SPAG16: variants seen among roughly 807,000 people sequenced by gnomAD.
SPAG16 encodes the protein sperm associated antigen 16.
Under a neutral mutation model 80.4 loss-of-function variants are expected in SPAG16, and 86 were observed. That is an observed-to-expected ratio of 1.07 (90% CI 0.90 to 1.28). The LOEUF (loss-of-function observed/expected upper bound fraction) is 1.28. Among genes scored for constraint, SPAG16 ranks in the 50% most tolerant of loss-of-function variants. The pLI is 0.00. For synonymous variants in SPAG16, 294 were observed against 265.9 expected (o/e 1.11, Z -1.03); for missense variants, 870 against 765.3 (o/e 1.14, Z -1.61).
At chr2:213,767,904 A>G (rs1392893974) in intron 10 of SPAG16, among the ~76,000 whole-genome samples, 1 of 152,212 alleles carries the variant, frequency 6.6e-6, no homozygotes, top group Non-Finnish European at 1.5e-5. Context: ...CAGAGTTTGT[A>G]GACTAGCAGG....
rs144930416 is a variant in SPAG16 at position 214,077,241 on chromosome 2, G to A, written c.1528-30955G>A. Among the ~76,000 whole-genome samples the A allele has an allele frequency of 7.0e-3, 1,065 of 152,248 alleles. 8 individuals are homozygous for A. The highest frequency in any genetic ancestry group is 0.02 in the Middle Eastern group (6 of 294). On this transcript the variant is annotated intron_variant, in intron 13 of 15. Coordinates refer to ENST00000331683, the MANE Select transcript of SPAG16 (RefSeq NM_024532.5). ...TATAACTGTACCTTGTGAGGGACTG[G>A]AGCCAGGAATGAGAAGCCTTCAAGG...
chr2:214,402,531 T>C (rs1701767487), intron 15 of SPAG16, among the ~76,000 whole-genome samples: 1 of 152,088 alleles, frequency 6.6e-6, no homozygotes, highest in African/African-American at 2.4e-5. Flanking sequence ...ATATTCACTG[T>C]ATTCAAAAAT....
At chr2:213,404,627 C>G (rs1384388235) in intron 9 of SPAG16, among the ~76,000 whole-genome samples, 1 of 152,142 alleles carries the variant, frequency 6.6e-6, no homozygotes. Flanking sequence ...CTAGGCAATA[C>G]CATTCAGGAC....
At chr2:213,997,005 A>T (rs2124839631) in intron 12 of SPAG16, among the ~76,000 whole-genome samples, 1 of 152,332 alleles carries the variant, frequency 6.6e-6, no homozygotes, top group South Asian at 2.1e-4. Context: ...GAGGGACAAC[A>T]TCCTTTGGGT....
At chr2:214,076,286 G>C (rs1417003548) in intron 13 of SPAG16, among the ~76,000 whole-genome samples, 2 of 152,102 alleles carry the variant, frequency 1.3e-5, no homozygotes, top group Non-Finnish European at 2.9e-5. Flanking sequence ...ACCTGATCTT[G>C]AAGAATTATA....
rs1480399773 is a variant in SPAG16, at chr2:214,012,369, C to A, written c.1401-1582C>A. ...GGAGTGCAGTGGTGTGATCTCTGCT[C>A]ACTGCAACCTCTGCCTCCCAGATTC... On this transcript the variant is annotated intron_variant, in intron 12 of 15. Transcript: ENST00000331683. Among the ~76,000 whole-genome samples, 3 of 139,522 alleles carry A rather than the reference C, an allele frequency of 2.2e-5. No homozygotes were observed. In the Admixed American group the frequency reaches 2.3e-4, roughly 11 times the overall value. 91.5% of individuals were successfully genotyped at this position (139,522 alleles called of 152,430 possible). A position where few individuals can be genotyped will look rare whatever the true frequency, so the allele number is the denominator to read the frequency against.
chr2:213,775,695 T>C (rs955994911), intron 10 of SPAG16, among the ~76,000 whole-genome samples: 6 of 152,256 alleles, frequency 3.9e-5, no homozygotes, highest in Admixed American at 6.5e-5. Flanking sequence ...TTGGCTATTT[T>C]AGATTCTTCA....
At position 213,486,417 on chromosome 2, in the gene SPAG16, T is replaced by C. The variant is rs1044766760; in HGVS notation, c.943-3546T>C. On this transcript the variant is annotated intron_variant, in intron 9 of 15. Coordinates refer to ENST00000331683, the MANE Select transcript of SPAG16 (RefSeq NM_024532.5). ...AGCACTATTCATAATAGCTGAAATA[T>C]GGAATCAACCTAAGTGCCCATGAAG... 6.6e-5 allele frequency among the ~76,000 whole-genome samples: 10 copies of C among 152,076 alleles called. 1 individual carries two copies. The highest frequency in any genetic ancestry group is 5.2e-4 in the Admixed American group (8 of 15,276).
intron 10 of SPAG16, among the ~76,000 whole-genome samples, chr2:213,668,854 T>C (rs1259479077): frequency 6.6e-6 from 1 of 152,126 alleles, no homozygotes; most frequent in Non-Finnish European, 1.5e-5. Flanking sequence ...TTCACTGTGT[T>C]AGCCAGGAGG....
At chr2:213,393,766 A>C (rs1235407758) in intron 9 of SPAG16, among the ~76,000 whole-genome samples, 3 of 152,032 alleles carry the variant, frequency 2.0e-5, no homozygotes, top group Non-Finnish European at 4.4e-5. Flanking sequence ...CTCTGTATTC[A>C]TTATTGCCAG....
intron 15 of SPAG16, among the ~76,000 whole-genome samples, chr2:214,291,515 C>A (rs1216727745): frequency 6.6e-6 from 1 of 151,310 alleles, no homozygotes; most frequent in Non-Finnish European, 1.5e-5. Context: ...CCGTTTTAGC[C>A]GGGATGGTCT....
At chr2:213,862,258 G>A (rs914528875) in intron 10 of SPAG16, among the ~76,000 whole-genome samples, 5 of 152,080 alleles carry the variant, frequency 3.3e-5, no homozygotes, top group African/African-American at 9.7e-5. Context: ...TTGCAAATGA[G>A]GAATCCGAGA....
Position 213,862,572 on chromosome 2 carries a change from G to T in SPAG16, c.1158G>T (p.Val386=), listed in dbSNP as rs1686058477. 1 of 1,614,150 alleles carries T rather than the reference G, an allele frequency of 6.2e-7. No homozygotes were observed. Among genetic ancestry groups the T allele is most frequent in the African/African-American group, 1.3e-5 (1 of 75,054 alleles). ...WKVLGLPKCN[V]LLTGFGHTDW... is the part of the protein sequence containing the mutation. Reference sequence around the variant, plus strand: ...TGTTGGGCCTTCCAAAATGCAATGTGCTTCTCACGGGATTTGGCCACACTG... The same window carrying T: ...TGTTGGGCCTTCCAAAATGCAATGTTCTTCTCACGGGATTTGGCCACACTG... The change falls in exon 11 of 16, where the codon GTG becomes GTT. Residue 386 remains valine (V), a synonymous_variant. Coordinates refer to ENST00000331683, the MANE Select transcript of SPAG16 (RefSeq NM_024532.5).
intron 14 of SPAG16, among the ~76,000 whole-genome samples, chr2:214,136,382 A>T (rs1260250334): frequency 6.6e-6 from 1 of 152,204 alleles, no homozygotes; most frequent in Non-Finnish European, 1.5e-5. Flanking sequence ...CTCATTTGTA[A>T]TATTGAGCAG....
chr2:214,134,537 C>T (rs2054947100), intron 14 of SPAG16, among the ~76,000 whole-genome samples: 1 of 152,188 alleles, frequency 6.6e-6, no homozygotes, highest in South Asian at 2.1e-4. Context: ...TTGTCCACCA[C>T]CTAAAATCGG....
chr2:214,003,098 C>T (rs192976845), intron 12 of SPAG16, among the ~76,000 whole-genome samples: 1 of 152,298 alleles, frequency 6.6e-6, no homozygotes, highest in Non-Finnish European at 1.5e-5. Flanking sequence ...CCTGAAGTTG[C>T]TGAATGTGAA....
intron 10 of SPAG16, among the ~76,000 whole-genome samples, chr2:213,595,576 A>G (rs1033235745): frequency 1.3e-5 from 2 of 152,238 alleles, no homozygotes; most frequent in East Asian, 1.9e-4. Context: ...TAGTTTTAGA[A>G]TATTTCTGTT....
intron 14 of SPAG16, among the ~76,000 whole-genome samples, chr2:214,138,011 A>G (rs2055152421): frequency 6.6e-6 from 1 of 152,112 alleles, no homozygotes; most frequent in African/African-American, 2.4e-5. Flanking sequence ...GAGGAGGGAA[A>G]GATCACTCCC....
chr2:214,239,122 G>A (rs564621762), intron 15 of SPAG16: 1 of 152,218 alleles, frequency 6.6e-6, no homozygotes, highest in East Asian at 1.9e-4. Context: ...CCCCAAACTT[G>A]TGGCCTCAAG....
Sources: allele counts gnomAD v4.1 joint callset (sites outside exome capture counted in the v4.1 genomes callset), GRCh38; gene constraint gnomAD v4.1.1; transcripts MANE v1.5; gene names NCBI Gene and HGNC (gene_info 2026-07-23, HGNC 2026-07-21).